The following MC2R variants were observed in gnomAD, a reference collection of about 807,000 sequenced individuals.
MC2R encodes the protein adrenocorticotropic hormone receptor.
A neutral mutation model predicts 9.8 loss-of-function variants in MC2R; 9 were observed. That is an observed-to-expected ratio of 0.92 (90% CI 0.55 to 1.60). The LOEUF is 1.60. Among genes scored for constraint, MC2R ranks in the 40% most tolerant of loss-of-function variants. The probability of loss-of-function intolerance (pLI) is 0.00; values close to 1 mark genes in which losing one functional copy is unlikely to be tolerated. For missense variants in MC2R, 370 were observed against 389.0 expected (o/e 0.95, Z 0.41); for synonymous variants, 185 against 154.7 (o/e 1.20, Z -1.45).
intron 1 of MC2R, among the ~76,000 whole-genome samples, chr18:13,905,257 A>G (rs1050717431): frequency 6.6e-6 from 1 of 152,214 alleles, no homozygotes; most frequent in Non-Finnish European, 1.5e-5. Context: ...GAAGACATTT[A>G]TGCGGCCAAC....
intron 1 of MC2R, among the ~76,000 whole-genome samples, chr18:13,900,889 C>T (rs565411434): frequency 6.6e-6 from 1 of 152,166 alleles, no homozygotes; most frequent in East Asian, 1.9e-4. Flanking sequence ...GCAGTATATA[C>T]CAAATGAACC....
chr18:13,899,506 G>A (rs535737865), intron 1 of MC2R, among the ~76,000 whole-genome samples: 80 of 152,128 alleles, frequency 5.3e-4, no homozygotes, highest in Non-Finnish European at 9.1e-4. Context: ...CAATATGGAA[G>A]TAAAAGGTTA....
At chr18:13,903,770 A>G (rs577322241) in intron 1 of MC2R, among the ~76,000 whole-genome samples, 1 of 152,282 alleles carries the variant, frequency 6.6e-6, no homozygotes, top group South Asian at 2.1e-4. Context: ...CTACTATTTG[A>G]TAGTACAACA....
chr18:13,891,619 C>T (rs951791139), intron 1 of MC2R, among the ~76,000 whole-genome samples: 20 of 152,184 alleles, frequency 1.3e-4, no homozygotes, highest in African/African-American at 4.8e-4. Flanking sequence ...TGCCAATACA[C>T]ATCTGGGGAC....
intron 1 of MC2R, among the ~76,000 whole-genome samples, chr18:13,915,248 C>G (rs1261757013): frequency 6.6e-6 from 1 of 152,026 alleles, no homozygotes; most frequent in Non-Finnish European, 1.5e-5. Context: ...ACTAGAGAAG[C>G]CAATAAATTC....
In MC2R at chr18:13,903,462, A is replaced by G. The variant is rs2045392547; in HGVS notation, c.-129+12026T>C. On this transcript the variant is annotated intron_variant, in intron 1 of 1. Transcript: ENST00000327606. ...AACCTAAGTGTTCATCAACAGATGA[A>G]TGGATAAAGAAAATATGGTACATAT... Among the ~76,000 whole-genome samples, 2 of 152,246 alleles carry G rather than the reference A, an allele frequency of 1.3e-5. 1 individual carries two copies. Among genetic ancestry groups the G allele is most frequent in the South Asian group, 4.1e-4 (2 of 4,834 alleles).
intron 1 of MC2R, among the ~76,000 whole-genome samples, chr18:13,893,071 A>T (rs2045326423): frequency 6.6e-6 from 1 of 152,258 alleles, no homozygotes; most frequent in African/African-American, 2.4e-5. Context: ...GTTCATGTGC[A>T]GTGAACTATT....
chr18:13,891,635 C>T (rs750754545), intron 1 of MC2R, among the ~76,000 whole-genome samples: 16 of 152,202 alleles, frequency 1.1e-4, no homozygotes, highest in Non-Finnish European at 1.5e-4. Flanking sequence ...GGGACTGTTT[C>T]AGCATCTTAC....
intron 1 of MC2R, among the ~76,000 whole-genome samples, chr18:13,899,237 T>C (rs770507306): frequency 1.8e-4 from 27 of 151,552 alleles, no homozygotes; most frequent in Non-Finnish European, 3.7e-4. Context: ...GGCGTCAGAG[T>C]CTTTTAATAG....
At position 13,884,566 on chromosome 18, in the gene MC2R, A is replaced by G; in HGVS notation, c.*59T>C. The G allele has an allele frequency of 1.3e-6, 2 of 1,571,094 alleles. No homozygotes were observed. The highest frequency in any genetic ancestry group is 1.7e-6 in the Non-Finnish European group (2 of 1,150,448). On this transcript the variant is annotated 3_prime_UTR_variant, in exon 2 of 2. Transcript: ENST00000327606. ...GCACTGGCATTTGTTGGAATGTTAC[A>G]CTATTCTGGCACTTGGCAACGTTAT...
At chr18:13,901,770 C>T (rs34000398) in intron 1 of MC2R, among the ~76,000 whole-genome samples, 38,222 of 151,992 alleles carry the variant, frequency 0.25, 5,931 homozygotes, top group Middle Eastern at 0.43. Flanking sequence ...AGCCTGTGAC[C>T]TAATGGCTTC....
In MC2R at chr18:13,885,492, T is replaced by C; in HGVS notation, c.27A>G (p.Glu9=). MKHIINSY[E]NINNTARNNS... is the part of the protein sequence containing the mutation. Reference sequence around the variant, plus strand: ...TATTTCTTGCTGTGTTGTTGATGTTTTCATACGAGTTGATAATGTGCTTCA... The same window carrying C: ...TATTTCTTGCTGTGTTGTTGATGTTCTCATACGAGTTGATAATGTGCTTCA... Residue 9 remains glutamate (E), a synonymous_variant, in exon 2 of 2, where the codon GAA becomes GAG. Coordinates refer to ENST00000327606, the MANE Select transcript of MC2R (RefSeq NM_000529.2). 1 of 1,614,178 alleles carries C rather than the reference T, an allele frequency of 6.2e-7. No homozygotes were observed. The highest frequency in any genetic ancestry group is 1.7e-5 in the Admixed American group (1 of 60,020).
chr18:13,903,070 G>A lies in MC2R; in HGVS notation c.-129+12418C>T, dbSNP rs555626071. ...GTATCTCTAAAGAGGACATACACAT[G>A]GCAAACAGGCATATGAAAAGGTGCT... is the stretch of plus-strand genomic sequence containing the variant. On this transcript the variant is annotated intron_variant, in intron 1 of 1. Coordinates refer to ENST00000327606, the MANE Select transcript of MC2R (RefSeq NM_000529.2). 2.6e-5 allele frequency among the ~76,000 whole-genome samples: 4 copies of A among 152,284 alleles called. No individual in the cohort carries two copies. In the South Asian group the frequency reaches 8.3e-4, roughly 32 times the overall value.
intron 1 of MC2R, among the ~76,000 whole-genome samples, chr18:13,900,631 A>G (rs1260951361): frequency 4.6e-5 from 7 of 152,184 alleles, no homozygotes; most frequent in Admixed American, 3.3e-4. Flanking sequence ...ATAAATTTCA[A>G]GACAAAACTG....
chr18:13,887,873 C>T (rs180933873), intron 1 of MC2R, among the ~76,000 whole-genome samples: 8 of 148,722 alleles, frequency 5.4e-5, no homozygotes, highest in East Asian at 4.1e-4. Context: ...CTTGGGACTG[C>T]GCAGCCCCAT....
At chr18:13,908,067 G>A (rs1013201142) in intron 1 of MC2R, among the ~76,000 whole-genome samples, 5 of 152,314 alleles carry the variant, frequency 3.3e-5, no homozygotes, top group African/African-American at 1.2e-4. Context: ...ACATCAAAGA[G>A]ATATCTGTAC....
At chr18:13,907,582 G>A (rs1234759868) in intron 1 of MC2R, among the ~76,000 whole-genome samples, 1 of 152,160 alleles carries the variant, frequency 6.6e-6, no homozygotes, top group Non-Finnish European at 1.5e-5. Context: ...AAAGTGAAGA[G>A]ACAACTCACA....
At chr18:13,904,532 C>A (rs928590132) in intron 1 of MC2R, among the ~76,000 whole-genome samples, 1 of 150,646 alleles carries the variant, frequency 6.6e-6, no homozygotes, top group African/African-American at 2.5e-5. Flanking sequence ...CAATATAATC[C>A]TGGAAGTCCT....
intron 1 of MC2R, among the ~76,000 whole-genome samples, chr18:13,903,145 T>C (rs116491024): frequency 0.016 from 2,497 of 152,298 alleles, 60 homozygotes; most frequent in African/African-American, 0.056. Context: ...CAATGAGATA[T>C]CATCTTACCC....
Sources: allele counts gnomAD v4.1 joint callset (sites outside exome capture counted in the v4.1 genomes callset), GRCh38; gene constraint gnomAD v4.1.1; transcripts MANE v1.5; gene names NCBI Gene and HGNC (gene_info 2026-07-23, HGNC 2026-07-21).